CDK19: variants seen among roughly 807,000 people sequenced by gnomAD.
CDK19 encodes cyclin dependent kinase 19.
A neutral mutation model predicts 68.3 loss-of-function variants in CDK19; 20 were observed. The observed-to-expected ratio is 0.29, with a 90% CI of 0.21 to 0.43. CDK19 has a LOEUF of 0.43. Ranked by LOEUF, CDK19 falls within the 20% of genes least tolerant of loss-of-function variation. CDK19 has a pLI of 1.00. For synonymous variants in CDK19, 221 were observed against 222.8 expected (o/e 0.99, Z 0.07); for missense variants, 339 against 623.5 (o/e 0.54, Z 4.86).
chr6:110,642,475 C>T (rs908332002), intron 4 of CDK19, among the ~76,000 whole-genome samples: 4 of 152,020 alleles, frequency 2.6e-5, no homozygotes, highest in African/African-American at 9.7e-5. Context: ...AAATCCTTGC[C>T]CTCGTGGAGC....
intron 1 of CDK19, among the ~76,000 whole-genome samples, chr6:110,772,131 T>C (rs1780057906): frequency 6.6e-6 from 1 of 152,154 alleles, no homozygotes; most frequent in African/African-American, 2.4e-5. Context: ...ACCAACTTAC[T>C]ATATTAGTCC....
At chr6:110,751,037 T>C (rs1162891546) in intron 1 of CDK19, among the ~76,000 whole-genome samples, 3 of 152,202 alleles carry the variant, frequency 2.0e-5, no homozygotes, top group Non-Finnish European at 2.9e-5. Context: ...GGTTTCACTA[T>C]GTTGCCAGGC....
chr6:110,664,422 A>G (rs968934717), intron 4 of CDK19, among the ~76,000 whole-genome samples: 4 of 152,170 alleles, frequency 2.6e-5, no homozygotes, highest in Admixed American at 2.6e-4. Flanking sequence ...TTATAGTATA[A>G]TTGTTTGTGT....
intron 1 of CDK19, chr6:110,814,691 AC>A (rs1488923083): frequency 1.8e-6 from 1 of 558,450 alleles, no homozygotes. Context: ...AAGAGACTAG[AC>A]CCCACAAACT....
At chr6:110,626,635 C>G in intron 8 of CDK19, 141 bp downstream of exon 8, 1 of 538,324 alleles carries the variant, frequency 1.9e-6, no homozygotes, top group Admixed American at 3.4e-5. Flanking sequence ...CATGGGATTA[C>G]AAACATGCCA....
At chr6:110,735,167 A>C (rs1244448896) in intron 2 of CDK19, among the ~76,000 whole-genome samples, 1 of 151,630 alleles carries the variant, frequency 6.6e-6, no homozygotes, top group Non-Finnish European at 1.5e-5. Context: ...GGCTGGTCTC[A>C]AACTCCTGAG....
intron 2 of CDK19, among the ~76,000 whole-genome samples, chr6:110,739,796 AATTATT>A (rs57995761): frequency 3.4e-5 from 5 of 147,322 alleles, no homozygotes; most frequent in African/African-American, 1.0e-4. Flanking sequence ...ATGCCCAGCT[AATTATT>A]ATTATTATTA....
chr6:110,797,526 G>A (rs1173176840), intron 1 of CDK19, among the ~76,000 whole-genome samples: 2 of 151,862 alleles, frequency 1.3e-5, no homozygotes, highest in East Asian at 3.9e-4. Context: ...AGAAAGAAAT[G>A]AACGGAAGAA....
At chr6:110,691,639 A>ATT (rs1297242586) in intron 2 of CDK19, among the ~76,000 whole-genome samples, 3 of 150,918 alleles carry the variant, frequency 2.0e-5, no homozygotes, top group Non-Finnish European at 3.0e-5. Flanking sequence ...ATTTTATTTT[A>ATT]TTATTATTAT....
intron 2 of CDK19, among the ~76,000 whole-genome samples, chr6:110,695,054 T>C (rs1773351702): frequency 6.6e-6 from 1 of 151,758 alleles, no homozygotes; most frequent in East Asian, 1.9e-4. Flanking sequence ...GACACAGAGG[T>C]TGCAGTGAAC....
chr6:110,730,798 T>A (rs1776689954), intron 2 of CDK19, among the ~76,000 whole-genome samples: 1 of 152,186 alleles, frequency 6.6e-6, no homozygotes, highest in African/African-American at 2.4e-5. Flanking sequence ...ACACCTGTAA[T>A]CCCAGCACTT....
chr6:110,758,313 C>G (rs1778969502), intron 1 of CDK19, among the ~76,000 whole-genome samples: 1 of 152,096 alleles, frequency 6.6e-6, no homozygotes, highest in Non-Finnish European at 1.5e-5. Context: ...AATGTAGAAG[C>G]AAGGTCAAAT....
At chr6:110,766,692 T>C (rs1344579963) in intron 1 of CDK19, among the ~76,000 whole-genome samples, 3 of 152,158 alleles carry the variant, frequency 2.0e-5, no homozygotes, top group Non-Finnish European at 1.5e-5. Flanking sequence ...TTTTCACTTA[T>C]GTGTAGGAGT....
At chr6:110,740,956 G>A (rs1464464208) in intron 2 of CDK19, among the ~76,000 whole-genome samples, 1 of 151,994 alleles carries the variant, frequency 6.6e-6, no homozygotes, top group Non-Finnish European at 1.5e-5. Context: ...AATTTCACCA[G>A]AGGGGCTCAA....
intron 1 of CDK19, among the ~76,000 whole-genome samples, chr6:110,800,074 A>C (rs1782241479): frequency 6.6e-6 from 1 of 152,240 alleles, no homozygotes; most frequent in Non-Finnish European, 1.5e-5. Context: ...TGAATGCTTA[A>C]GTGTTCACTT....
chr6:110,788,075 C>T (rs113583994), intron 1 of CDK19, among the ~76,000 whole-genome samples: 15 of 152,034 alleles, frequency 9.9e-5, no homozygotes, highest in African/African-American at 3.4e-4. Flanking sequence ...CCTGACCTCA[C>T]GTGATCTGCC....
intron 4 of CDK19, among the ~76,000 whole-genome samples, chr6:110,657,948 C>T (rs1253602562): frequency 6.6e-6 from 1 of 152,152 alleles, no homozygotes; most frequent in Non-Finnish European, 1.5e-5. Flanking sequence ...ATGTGCAGGA[C>T]TCTGTTGAAA....
intron 2 of CDK19, among the ~76,000 whole-genome samples, chr6:110,720,757 C>T (rs776384392): frequency 1.3e-5 from 2 of 150,906 alleles, no homozygotes; most frequent in African/African-American, 2.4e-5. Context: ...GTCCCAGCTA[C>T]TTGGGAGGCT....
intron 1 of CDK19, among the ~76,000 whole-genome samples, chr6:110,767,769 A>G (rs915776392): frequency 2.0e-5 from 3 of 152,168 alleles, no homozygotes; most frequent in African/African-American, 4.8e-5. Context: ...GTACTGGAGT[A>G]TCACATGTAA....
Sources: gnomAD v4.1 joint callset for allele counts (sites outside exome capture counted in the v4.1 genomes callset) on GRCh38, gnomAD v4.1.1 for gene constraint, MANE v1.5 for transcripts, NCBI Gene and HGNC (gene_info 2026-07-23, HGNC 2026-07-21) for gene names.